Variants in DACT2 observed in about 807,000 individuals in gnomAD.
DACT2 encodes the protein dapper homolog 2.
Under a neutral mutation model 22.2 loss-of-function variants are expected in DACT2, and 20 were observed. The observed-to-expected ratio is 0.90, with a 90% confidence interval of 0.63 to 1.31. The LOEUF is 1.31. Ranked by LOEUF, DACT2 falls within the 50% of genes most tolerant of loss-of-function variation. The pLI is 0.00. For missense variants in DACT2, 1,048 were observed against 1,061.4 expected, an observed-to-expected ratio of 0.99 and a Z score of 0.18; for synonymous variants, 463 against 479.8, an observed-to-expected ratio of 0.96 and a Z score of 0.46.
chr6:168,313,299 T>A (rs945913658), intron 1 of DACT2, among the ~76,000 whole-genome samples: 5 of 152,142 alleles, frequency 3.3e-5, no homozygotes, highest in Non-Finnish European at 7.3e-5. Context: ...CGCCTCAGCC[T>A]CCCAAAGTGC....
chr6:168,294,916 C>T (rs1265261344), intron 3 of DACT2, among the ~76,000 whole-genome samples: 1 of 152,134 alleles, frequency 6.6e-6, no homozygotes. Context: ...AAATACACAT[C>T]CTGACAAGTT....
chr6:168,307,534 C>T lies in DACT2; in HGVS notation c.2223G>A (p.Leu741=). The T allele has an allele frequency of 1.3e-6, 2 of 1,551,542 alleles. No homozygotes were observed. The highest frequency in any genetic ancestry group is 2.7e-5 in the African/African-American group (2 of 73,170). Residue 741 remains leucine, a synonymous_variant, in exon 4 of 4, where the codon CTG becomes CTA. Coordinates refer to ENST00000366795, the MANE Select transcript of DACT2 (RefSeq NM_214462.5). The surrounding 1 kb of genome is among the most constrained non-coding windows in gnomAD (Gnocchi z 5.3). ...TACGGCACAGCTTGGGCACGGGGGA[C>T]AGGAGTGGCCCCGAGCTGACCGGGG... ...QEAPVSSGPL[L]SPVPKLCRIK... is the part of the protein sequence containing the mutation.
chr6:168,313,928 A>T (rs940156500), intron 1 of DACT2, among the ~76,000 whole-genome samples: 1 of 152,110 alleles, frequency 6.6e-6, no homozygotes, highest in African/African-American at 2.4e-5. Context: ...AGGCACTCAC[A>T]GGTTATTTAT....
intron 3 of DACT2, among the ~76,000 whole-genome samples, chr6:168,301,251 G>T (rs1779099110): frequency 6.6e-6 from 1 of 152,162 alleles, no homozygotes; most frequent in South Asian, 2.1e-4. Flanking sequence ...CCTGGGCCAG[G>T]CCCCTTCTCT....
chr6:168,316,078 A>G (rs1216949070), intron 1 of DACT2, among the ~76,000 whole-genome samples: 1 of 152,262 alleles, frequency 6.6e-6, no homozygotes, highest in Non-Finnish European at 1.5e-5. Context: ...TGGTCCCCAC[A>G]TTAAAAAATA....
intron 1 of DACT2, among the ~76,000 whole-genome samples, chr6:168,318,424 C>T (rs753392830): frequency 6.6e-6 from 1 of 152,190 alleles, no homozygotes; most frequent in Non-Finnish European, 1.5e-5. Flanking sequence ...GCTGAGCGAG[C>T]GAGGCAGACG....
chr6:168,319,625 C>G lies in DACT2; in HGVS notation c.9G>C (p.Thr3=). 7.7e-7 allele frequency: 1 copy of G among 1,295,150 alleles called. No homozygotes were observed. 80.2% of individuals were successfully genotyped at this position (1,295,150 alleles called of 1,614,324 possible). A position where few individuals can be genotyped will look rare whatever the true frequency, so the allele number is the denominator to read the frequency against. Residue 3 remains threonine, a synonymous_variant, in exon 1 of 4, where the codon ACG becomes ACC. Transcript: ENST00000366795. ...CCGCGGACCCCGGGGGTCCGCCCGG[C>G]GTCCACATCTCCCGGGCAGGGTCCC... The part of the protein sequence containing the change: MW[T]PGGPPGSAGW...
chr6:168,315,078 G>A (rs544222617), intron 1 of DACT2, among the ~76,000 whole-genome samples: 1 of 152,318 alleles, frequency 6.6e-6, no homozygotes, highest in South Asian at 2.1e-4. Context: ...AATCAGACGC[G>A]CAGCTTGCTC....
At chr6:168,312,704 T>G (rs1259484455) in intron 1 of DACT2, among the ~76,000 whole-genome samples, 2 of 152,244 alleles carry the variant, frequency 1.3e-5, no homozygotes, top group Non-Finnish European at 2.9e-5. Flanking sequence ...ATTATGTGGT[T>G]GTTTCTCTTA....
intron 1 of DACT2, among the ~76,000 whole-genome samples, chr6:168,313,438 G>A (rs1399138495): frequency 2.0e-5 from 3 of 152,122 alleles, no homozygotes; most frequent in South Asian, 2.1e-4. Context: ...CCAGCTTCAC[G>A]TAAACATACT....
intron 1 of DACT2, among the ~76,000 whole-genome samples, chr6:168,315,238 C>T (rs964876676): frequency 1.3e-5 from 2 of 152,186 alleles, no homozygotes; most frequent in African/African-American, 2.4e-5. Flanking sequence ...TGTGTCTCTC[C>T]CGCTGTGGAG....
At chr6:168,301,657 G>C (rs938006275) in intron 3 of DACT2, among the ~76,000 whole-genome samples, 1 of 152,246 alleles carries the variant, frequency 6.6e-6, no homozygotes, top group Non-Finnish European at 1.5e-5. Context: ...CATTAGAGCT[G>C]TGGTGTCCCC....
chr6:168,310,140 A>AC (rs1382522995), intron 3 of DACT2, 28 bp downstream of exon 3: 2 of 1,545,736 alleles, frequency 1.3e-6, no homozygotes, highest in East Asian at 2.5e-5. Flanking sequence ...CTGAGATGAG[A>AC]CCCCCACCTT....
intron 1 of DACT2, among the ~76,000 whole-genome samples, 172 bp downstream of exon 1, chr6:168,319,216 G>T (rs543051826): frequency 6.2e-4 from 95 of 152,172 alleles, no homozygotes; most frequent in African/African-American, 2.2e-3. Flanking sequence ...CCTGCGCGCG[G>T]GGCCTCCATG....
chr6:168,294,577 G>GTGTGTGTGTATATATATA (rs1177617130), intron 4 of DACT2: 1 of 114,786 alleles, frequency 8.7e-6, no homozygotes, highest in African/African-American at 5.8e-5. Context: ...GTGTGTGTGT[G>GTGTGTGTGTATATATATA]TATATATATA....
At chr6:168,293,681 A>G in exon 6 of DACT2, 3 of 578,726 alleles carry the variant, frequency 5.2e-6, no homozygotes, top group Admixed American at 5.9e-5. Context: ...CCCTCACTTC[A>G]ACTTTCCACG....
intron 3 of DACT2, among the ~76,000 whole-genome samples, chr6:168,297,727 T>C (rs1779031495): frequency 6.6e-6 from 1 of 152,220 alleles, no homozygotes; most frequent in Admixed American, 6.5e-5. Flanking sequence ...GAGTCTTGCT[T>C]GCGTGGACAG....
At chr6:168,319,219 C>A in intron 1 of DACT2, among the ~76,000 whole-genome samples, 169 bp downstream of exon 1, 1 of 152,092 alleles carries the variant, frequency 6.6e-6, no homozygotes. Context: ...GCGCGCGGGG[C>A]CTCCATGTCC....
At position 168,294,577 on chromosome 6, in the gene DACT2, G is replaced by GTATATATATATATATATA. The variant is rs1554269708; in HGVS notation, c.730+38_730+55dup. On this transcript the variant is annotated intron_variant, in intron 4 of 5. Transcript: ENST00000366796. ...TGTGTGTGTATGTGTGTGTGTGTGT[G>GTATATATATATATATATA]TATATATATATATATATATATATAT... 783 of 124,240 alleles carry GTATATATATATATATATA rather than the reference G, an allele frequency of 6.3e-3. 26 individuals carry two copies. Among genetic ancestry groups the GTATATATATATATATATA allele is most frequent in the African/African-American group, 0.035 (618 of 17,438 alleles). The allele number at this position is 124,240 out of a possible 1,614,324, so 7.7% of individuals were successfully genotyped here.
Sources: gnomAD v4.1 joint callset for allele counts (sites outside exome capture counted in the v4.1 genomes callset) on GRCh38, gnomAD v4.1.1 for gene constraint, Gnocchi (gnomAD v3.1) non-coding constraint, MANE v1.5 for transcripts, NCBI Gene and HGNC (gene_info 2026-07-23, HGNC 2026-07-21) for gene names.